ARMH4: variants seen among roughly 807,000 people sequenced by gnomAD.
ARMH4 encodes armadillo-like helical domain-containing protein 4.
A neutral mutation model predicts 61.9 loss-of-function variants in ARMH4; 49 were observed. The ratio of observed to expected loss-of-function variants is 0.79; its 90% CI spans 0.63 to 1.00. The LOEUF is 1.00. ARMH4 is among the 50% of genes least tolerant of loss of function. ARMH4 has a pLI of 0.00. For synonymous variants in ARMH4, 368 were observed against 341.5 expected (o/e 1.08, Z -0.85); for missense variants, 934 against 930.0 (o/e 1.00, Z -0.06).
In ARMH4 at chr14:58,139,392, T is replaced by C. The variant is rs773598956; in HGVS notation, c.-34A>G. 1.9e-6 allele frequency: 3 copies of C among 1,602,158 alleles called. No homozygotes were observed. The South Asian group carries it at 3.3e-5, about 18-fold the overall frequency. On this transcript the variant is annotated 5_prime_UTR_variant, in exon 2 of 8. Coordinates refer to ENST00000267485, the MANE Select transcript of ARMH4 (RefSeq NM_001001872.4). ...AGAAATGGCACGTACACTGGCAGAG[T>C]TGACAAGTCCAGTAATTGAATCCTG...
At chr14:58,035,086 A>G (rs1336809818) in intron 5 of ARMH4, among the ~76,000 whole-genome samples, 1 of 147,518 alleles carries the variant, frequency 6.8e-6, no homozygotes, top group African/African-American at 2.5e-5. Flanking sequence ...TCCACCCCAA[A>G]TCAACAGAAT....
rs1885830639 is a variant in ARMH4, at chr14:58,098,303, G to A, written c.1832-1322C>T. Among the ~76,000 whole-genome samples, 3 of 152,034 alleles carry A rather than the reference G, an allele frequency of 2.0e-5. No homozygotes were observed. In the South Asian group the frequency reaches 6.2e-4, roughly 32 times the overall value. On this transcript the variant is annotated intron_variant, in intron 4 of 7. Transcript: ENST00000267485. ...CTTTAACTTTGTAGGATTAATGTCTGTCACTATTCTAAAAATTCAACAAAT... is the reference window on the plus strand; with the variant it reads ...CTTTAACTTTGTAGGATTAATGTCTATCACTATTCTAAAAATTCAACAAAT...
At chr14:58,109,119 T>C (rs1235176580) in intron 4 of ARMH4, among the ~76,000 whole-genome samples, 2 of 152,226 alleles carry the variant, frequency 1.3e-5, no homozygotes, top group Non-Finnish European at 2.9e-5. Flanking sequence ...GTATTTTCAC[T>C]TTCTTTCTAG....
chr14:58,078,259 C>T (rs1414951745), intron 5 of ARMH4, among the ~76,000 whole-genome samples: 1 of 152,218 alleles, frequency 6.6e-6, no homozygotes, highest in Non-Finnish European at 1.5e-5. Context: ...ATGGGCCCTG[C>T]ACTAGTTTAA....
At chr14:58,113,399 T>C (rs1401118922) in intron 4 of ARMH4, among the ~76,000 whole-genome samples, 1 of 152,220 alleles carries the variant, frequency 6.6e-6, no homozygotes, top group African/African-American at 2.4e-5. Context: ...TTCAAGATTT[T>C]TGCTTTTTCA....
chr14:58,083,853 C>T (rs939752983), intron 5 of ARMH4, among the ~76,000 whole-genome samples: 16 of 152,292 alleles, frequency 1.1e-4, no homozygotes, highest in Admixed American at 7.8e-4. Context: ...ATTGGTGGTT[C>T]TTTCATGTCT....
intron 5 of ARMH4, among the ~76,000 whole-genome samples, chr14:58,086,006 T>C (rs1360752503): frequency 2.6e-5 from 4 of 152,224 alleles, no homozygotes; most frequent in African/African-American, 9.6e-5. Flanking sequence ...AATGAACCAG[T>C]GGCAGAGAGA....
intron 4 of ARMH4, among the ~76,000 whole-genome samples, chr14:58,115,406 T>C (rs548684853): frequency 6.6e-6 from 1 of 152,236 alleles, no homozygotes; most frequent in South Asian, 2.1e-4. Flanking sequence ...TGGTTATTAT[T>C]AGAAGTCAAA....
chr14:58,054,883 A>AAAT (rs71448938), intron 5 of ARMH4, among the ~76,000 whole-genome samples: 24,271 of 138,068 alleles, frequency 0.18, 2,801 homozygotes, highest in Non-Finnish European at 0.26. Flanking sequence ...AAAAAAAAAA[A>AAAT]AATAATAATA....
chr14:58,027,219 C>G (rs78222431), intron 5 of ARMH4, among the ~76,000 whole-genome samples: 1,928 of 152,298 alleles, frequency 0.013, 34 homozygotes, highest in East Asian at 0.081. Context: ...TAAATAAGTT[C>G]TGGAGATCTA....
In ARMH4 at chr14:58,044,709, C is replaced by G. The variant is rs553165620; in HGVS notation, c.2090-32559G>C. Among the ~76,000 whole-genome samples the G allele has an allele frequency of 7.4e-4, 112 of 152,198 alleles. No homozygotes were observed. The East Asian group carries it at 0.017, about 23-fold the overall frequency. On this transcript the variant is annotated intron_variant, in intron 5 of 7. Transcript: ENST00000267485. ...TAAAATGGGAGAAAAGTTTTGCAAT[C>G]TACTCATCCGATAAAGGGCTAATAT...
At chr14:58,063,451 G>C (rs1047346043) in intron 5 of ARMH4, among the ~76,000 whole-genome samples, 3 of 152,144 alleles carry the variant, frequency 2.0e-5, no homozygotes, top group Admixed American at 1.3e-4. Context: ...AGGTTCAAGG[G>C]GGAGAGTTTT....
chr14:58,004,671 TC>T lies in ARMH4; in HGVS notation c.*64del. The T allele has an allele frequency of 2.2e-6, 3 of 1,340,458 alleles. No homozygotes were observed. The highest frequency in any genetic ancestry group is 1.9e-5 in the Admixed American group (1 of 51,332). 83.0% of individuals were successfully genotyped at this position (1,340,458 alleles called of 1,614,324 possible). A position where few individuals can be genotyped will look rare whatever the true frequency, so the allele number is the denominator to read the frequency against. ...TGTGGCAGGTTGTTCTTTTTTTTTTTCTGCTCCAAAATAAAAATTAGAATAG... is the reference window on the plus strand; with the variant it reads ...TGTGGCAGGTTGTTCTTTTTTTTTTTTGCTCCAAAATAAAAATTAGAATAG... On this transcript the variant is annotated 3_prime_UTR_variant, in exon 8 of 8. Coordinates refer to ENST00000267485, the MANE Select transcript of ARMH4 (RefSeq NM_001001872.4).
intron 4 of ARMH4, among the ~76,000 whole-genome samples, chr14:58,121,684 A>AGAAAGC (rs1886730018): frequency 6.6e-6 from 1 of 152,236 alleles, no homozygotes. Flanking sequence ...TAAATGCCAA[A>AGAAAGC]GAAAGCACGA....
intron 3 of ARMH4, 55 bp from the exon 4 acceptor site, chr14:58,131,776 T>C (rs1887118562): frequency 6.6e-7 from 1 of 1,517,562 alleles, no homozygotes; most frequent in East Asian, 2.3e-5. Flanking sequence ...ATGGCAAATG[T>C]AAGCATGTGC....
At chr14:58,043,639 C>T (rs1883811915) in intron 5 of ARMH4, among the ~76,000 whole-genome samples, 1 of 152,088 alleles carries the variant, frequency 6.6e-6, no homozygotes, top group Non-Finnish European at 1.5e-5. Context: ...AAAGGGTATT[C>T]AATTAGGAAA....
intron 4 of ARMH4, among the ~76,000 whole-genome samples, chr14:58,106,582 C>G (rs1005954150): frequency 3.3e-5 from 5 of 152,202 alleles, no homozygotes; most frequent in Admixed American, 1.3e-4. Flanking sequence ...CAAAATGTGT[C>G]TACACGGTAC....
At chr14:58,151,723 G>A (rs917029604) in intron 1 of ARMH4, among the ~76,000 whole-genome samples, 39 of 152,204 alleles carry the variant, frequency 2.6e-4, no homozygotes, top group Non-Finnish European at 4.7e-4. Flanking sequence ...GGGAGAAAGA[G>A]AAAGAAAAGC....
intron 5 of ARMH4, among the ~76,000 whole-genome samples, chr14:58,034,535 T>C (rs1430431563): frequency 8.8e-6 from 1 of 113,614 alleles, no homozygotes; most frequent in Admixed American, 8.3e-5. Flanking sequence ...AATGACAGGA[T>C]CAAATTCACA....
Sources: allele counts gnomAD v4.1 joint callset (sites outside exome capture counted in the v4.1 genomes callset), GRCh38; gene constraint gnomAD v4.1.1; transcripts MANE v1.5; gene names NCBI Gene and HGNC (gene_info 2026-07-23, HGNC 2026-07-21).